The following MRPL14 variants were observed in gnomAD, a reference collection of about 807,000 sequenced individuals.
MRPL14 encodes mitochondrial ribosomal protein L14.
In MRPL14, 8 loss-of-function variants were observed where a neutral mutation model predicts 10.9. That is an observed-to-expected ratio of 0.74 (90% confidence interval 0.43 to 1.33). The LOEUF is 1.33. Ranked by LOEUF, MRPL14 falls within the 40% of genes most tolerant of loss-of-function variation. The pLI, the probability that MRPL14 is intolerant of heterozygous loss-of-function variation, is 0.01. For synonymous variants in MRPL14, 82 were observed against 74.1 expected (o/e 1.11, Z -0.54); for missense variants, 179 against 194.5 (o/e 0.92, Z 0.47).
intron 1 of MRPL14, among the ~76,000 whole-genome samples, chr6:44,125,708 A>C (rs569937029): frequency 1.6e-4 from 24 of 151,386 alleles, no homozygotes; most frequent in Admixed American, 5.9e-4. Context: ...TCAGAAATCC[A>C]AAAACCAGAC....
At chr6:44,123,716 G>A (rs1776667542) in intron 1 of MRPL14, among the ~76,000 whole-genome samples, 1 of 152,142 alleles carries the variant, frequency 6.6e-6, no homozygotes, top group Non-Finnish European at 1.5e-5. Context: ...TGTTGCAAAA[G>A]TATTTAAATT....
Position 44,113,855 on chromosome 6 carries a change from C to G in MRPL14, c.426G>C (p.Gln142His), listed in dbSNP as rs764551181. ...GCCTGGGCTCAACTCACACAAAGTT[C>G]TGAGCAATGGCCAGCACCTTGGAAT... Reference protein sequence around the residue: ...GEYSKVLAIAQNFV With the variant: ...GEYSKVLAIAHNFV Residue 142 changes from glutamine (Q) to histidine (H), a missense_variant, in exon 3 of 3, where the codon CAG becomes CAC. Coordinates refer to ENST00000372014, the MANE Select transcript of MRPL14 (RefSeq NM_032111.4). 10 of 1,564,588 alleles carry G rather than the reference C, an allele frequency of 6.4e-6. No homozygotes were observed. The highest frequency in any genetic ancestry group is 5.4e-5 in the Admixed American group (3 of 55,678).
chr6:44,116,288 G>A (rs924377421), intron 2 of MRPL14, among the ~76,000 whole-genome samples: 1 of 152,220 alleles, frequency 6.6e-6, no homozygotes, highest in Non-Finnish European at 1.5e-5. Context: ...TAAGAGTCTT[G>A]CAAGGACTGA....
intron 1 of MRPL14, among the ~76,000 whole-genome samples, chr6:44,125,193 T>C (rs1776831822): frequency 6.6e-6 from 1 of 152,210 alleles, no homozygotes; most frequent in Non-Finnish European, 1.5e-5. Context: ...AGGCACTTAA[T>C]TCTCATGTCA....
At chr6:44,118,791 C>A (rs920614795) in intron 1 of MRPL14, among the ~76,000 whole-genome samples, 1 of 151,980 alleles carries the variant, frequency 6.6e-6, no homozygotes, top group African/African-American at 2.4e-5. Context: ...ATGGAGAAAC[C>A]CTGTCTCTAC....
At chr6:44,120,238 A>T (rs2128197625) in intron 1 of MRPL14, among the ~76,000 whole-genome samples, 1 of 152,340 alleles carries the variant, frequency 6.6e-6, no homozygotes, top group South Asian at 2.1e-4. Flanking sequence ...TGCCAGTGCA[A>T]CACTCACTGA....
At chr6:44,115,831 C>A (rs1286016280) in intron 2 of MRPL14, among the ~76,000 whole-genome samples, 1 of 152,212 alleles carries the variant, frequency 6.6e-6, no homozygotes, top group African/African-American at 2.4e-5. Flanking sequence ...TTTGAGAAGA[C>A]TGCCTCCACT....
chr6:44,126,423 A>T (rs959429058), intron 1 of MRPL14, among the ~76,000 whole-genome samples: 5 of 152,224 alleles, frequency 3.3e-5, no homozygotes, highest in Non-Finnish European at 7.3e-5. Flanking sequence ...AACTCTTGAA[A>T]ATCCAGCATA....
chr6:44,114,889 G>A (rs997264808), intron 2 of MRPL14, among the ~76,000 whole-genome samples: 13 of 152,196 alleles, frequency 8.5e-5, no homozygotes, highest in South Asian at 4.1e-4. Context: ...GATTACAGGC[G>A]TGAGCCACCG....
rs780004184 is a variant in MRPL14 at position 44,113,884 on chromosome 6, C to T, written c.397G>A (p.Glu133Lys). The T allele has an allele frequency of 9.4e-6, 15 of 1,595,094 alleles. No individual in the cohort carries two copies. The highest frequency in any genetic ancestry group is 6.7e-5 in the South Asian group (6 of 89,390). Residue 133 changes from glutamate (E) to lysine (K), a missense_variant, in exon 3 of 3, where the codon GAG becomes AAG. Physicochemically the swap from Glu to Lys is moderately conservative, Grantham distance 56 (BLOSUM62 1). Transcript: ENST00000372014. Reference sequence around the variant, plus strand: ...GCAATGGCCAGCACCTTGGAATACTCGCCTTCCCGCTTGCGCAGGCTGGTG... The same window carrying T: ...GCAATGGCCAGCACCTTGGAATACTTGCCTTCCCGCTTGCGCAGGCTGGTG... The part of the protein sequence containing the change: ...IPTSLRKREG[E>K]YSKVLAIAQN...
At chr6:44,123,677 T>C (rs935593185) in intron 1 of MRPL14, among the ~76,000 whole-genome samples, 1 of 152,220 alleles carries the variant, frequency 6.6e-6, no homozygotes, top group Non-Finnish European at 1.5e-5. Context: ...TCTTGTCCTA[T>C]ATTTGTTTAT....
chr6:44,114,115 G>A lies in MRPL14; in HGVS notation c.166C>T (p.Arg56Cys), dbSNP rs113871297. Residue 56 changes from arginine to cysteine, a missense_variant, in exon 3 of 3, where the codon CGC (arginine) becomes TGC (cysteine). Physicochemically the swap from Arg to Cys is radical, Grantham distance 180. Coordinates refer to ENST00000372014, the MANE Select transcript of MRPL14 (RefSeq NM_032111.4). Reference protein sequence around the residue: ...LGNSPYHRAPRCIHVYKKNGV... With the variant: ...LGNSPYHRAPCCIHVYKKNGV... ...TTCTTCTTATAGACATGGATGCAGC[G>A]AGGAGCCCGATGGTATGGGCTGTTC... 13 of 1,614,050 alleles carry A rather than the reference G, an allele frequency of 8.1e-6. No homozygotes were observed. The highest frequency in any genetic ancestry group is 2.2e-5 in the East Asian group (1 of 44,902).
chr6:44,119,568 TCA>T (rs1776206954), intron 1 of MRPL14, among the ~76,000 whole-genome samples: 1 of 152,126 alleles, frequency 6.6e-6, no homozygotes, highest in Admixed American at 6.5e-5. Flanking sequence ...CACATTTTAC[TCA>T]CAGCCAATTC....
intron 1 of MRPL14, among the ~76,000 whole-genome samples, chr6:44,121,956 C>CG (rs1776473671): frequency 6.7e-6 from 1 of 149,426 alleles, no homozygotes; most frequent in Non-Finnish European, 1.5e-5. Flanking sequence ...AAAAAAAGAA[C>CG]TGATTTATAA....
At chr6:44,123,658 G>A (rs753551614) in intron 1 of MRPL14, among the ~76,000 whole-genome samples, 12 of 152,302 alleles carry the variant, frequency 7.9e-5, no homozygotes, top group Non-Finnish European at 1.3e-4. Context: ...GGGAAAACAT[G>A]TCTAGGGTTC....
rs769979284 is a variant in MRPL14 at position 44,116,604 on chromosome 6, A to G, written c.8T>C (p.Phe3Ser). The part of the protein sequence containing the change: MA[F>S]FTGLWGPFTC... ...GAAGGGGCCCCAGAGCCCAGTAAAG[A>G]AAGCCATGGGATCCCAAGATAGATC... is the stretch of plus-strand genomic sequence containing the variant. Residue 3 changes from phenylalanine (F) to serine (S), a missense_variant, in exon 2 of 3, where the codon TTC (phenylalanine) becomes TCC (serine). Phe to Ser is a radical substitution (Grantham distance 155, BLOSUM62 -2). Transcript: ENST00000372014. 1 of 1,614,070 alleles carries G rather than the reference A, an allele frequency of 6.2e-7. No homozygotes were observed. The highest frequency in any genetic ancestry group is 8.5e-7 in the Non-Finnish European group (1 of 1,180,010).
At chr6:44,116,490 T>C (rs764188895) in intron 2 of MRPL14, 51 bp downstream of exon 2, 222 of 1,564,754 alleles carry the variant, frequency 1.4e-4, no homozygotes, top group Admixed American at 6.0e-4. Context: ...CCAGCCCTGA[T>C]AGGAAGCTTA....
At chr6:44,120,612 A>G (rs1311193446) in intron 1 of MRPL14, among the ~76,000 whole-genome samples, 2 of 152,228 alleles carry the variant, frequency 1.3e-5, no homozygotes, top group Admixed American at 1.3e-4. Flanking sequence ...TGAAAGCACA[A>G]AAGAATCAAA....
In MRPL14 at chr6:44,114,092, C is replaced by G; in HGVS notation, c.189G>C (p.Lys63Asn). ...GGTCGCCCACCTTGCCCACTCCATT[C>G]TTCTTATAGACATGGATGCAGCGAG... ...RAPRCIHVYK[K>N]NGVGKVGDQI... Residue 63 changes from lysine to asparagine, a missense_variant, in exon 3 of 3, where the codon AAG (lysine) becomes AAC (asparagine). Coordinates refer to ENST00000372014, the MANE Select transcript of MRPL14 (RefSeq NM_032111.4). 8 of 1,614,154 alleles carry G rather than the reference C, an allele frequency of 5.0e-6. No homozygotes were observed. The highest frequency in any genetic ancestry group is 6.8e-6 in the Non-Finnish European group (8 of 1,179,976).
Sources: allele counts gnomAD v4.1 joint callset (sites outside exome capture counted in the v4.1 genomes callset), GRCh38; gene constraint gnomAD v4.1.1; transcripts MANE v1.5; gene names NCBI Gene and HGNC (gene_info 2026-07-23, HGNC 2026-07-21).